NRXN3: variants seen among roughly 807,000 people sequenced by gnomAD.
NRXN3 encodes the protein neurexin 3.
Under a neutral mutation model 137.6 loss-of-function variants are expected in NRXN3, and 32 were observed. The observed-to-expected ratio is 0.23, with a 90% CI of 0.18 to 0.31. The LOEUF is 0.31. NRXN3 is among the 10% of genes least tolerant of loss of function. The pLI, the probability that NRXN3 is intolerant of heterozygous loss-of-function variation, is 1.00. For missense variants in NRXN3, 1,574 were observed against 2,062.5 expected (o/e 0.76, Z 4.59); for synonymous variants, 798 against 784.5 (o/e 1.02, Z -0.29).
rs981975337 is a variant in NRXN3 at position 79,861,254 on chromosome 14, T to G, written c.4094-88T>G. Reference sequence around the variant, plus strand: ...TTGTGATGATGATGGCTTGGTGATATCTGGGTATGGCTCAGGGGAAACCTT... The same window carrying G: ...TTGTGATGATGATGGCTTGGTGATAGCTGGGTATGGCTCAGGGGAAACCTT... On this transcript the variant is annotated intron_variant, in intron 20 of 20. Transcript: ENST00000335750. The surrounding 1 kb of genome is among the most constrained non-coding windows in gnomAD (Gnocchi z 5.4). 1 of 1,535,628 alleles carries G rather than the reference T, an allele frequency of 6.5e-7. No homozygotes were observed. Among genetic ancestry groups the G allele is most frequent in the Admixed American group, 2.0e-5 (1 of 50,964 alleles).
At chr14:79,041,723 A>T (rs1019224480) in intron 15 of NRXN3, among the ~76,000 whole-genome samples, 20 of 152,206 alleles carry the variant, frequency 1.3e-4, no homozygotes, top group African/African-American at 4.8e-4. Context: ...ATTATATCAT[A>T]ATGGAAGCAA....
At chr14:78,427,348 G>C (rs1567559503) in intron 4 of NRXN3, among the ~76,000 whole-genome samples, 2 of 152,324 alleles carry the variant, frequency 1.3e-5, no homozygotes, top group East Asian at 3.9e-4. Context: ...CCAAACCCTG[G>C]AGGGTGGGAG....
chr14:79,691,647 G>A (rs1361327509), intron 17 of NRXN3, among the ~76,000 whole-genome samples: 1 of 152,040 alleles, frequency 6.6e-6, no homozygotes, highest in Non-Finnish European at 1.5e-5. Flanking sequence ...GGCTTAAATT[G>A]TCCTCTCCTC....
chr14:79,322,416 G>A (rs777943559), intron 15 of NRXN3, among the ~76,000 whole-genome samples: 1 of 152,090 alleles, frequency 6.6e-6, no homozygotes, highest in Non-Finnish European at 1.5e-5. Context: ...TTAATGATCT[G>A]GAACCATGAA....
At chr14:78,616,957 A>T (rs1011106426) in intron 4 of NRXN3, among the ~76,000 whole-genome samples, 2 of 152,190 alleles carry the variant, frequency 1.3e-5, no homozygotes, top group Non-Finnish European at 2.9e-5. Flanking sequence ...CCCAAGTTGC[A>T]TTATCGACTT....
At chr14:79,618,739 G>A (rs916336238) in intron 16 of NRXN3, among the ~76,000 whole-genome samples, 1 of 152,030 alleles carries the variant, frequency 6.6e-6, no homozygotes, top group Non-Finnish European at 1.5e-5. Context: ...TGAGTTGAAT[G>A]GTAATACCAT....
At chr14:79,765,889 T>TA (rs2099054305) in intron 19 of NRXN3, among the ~76,000 whole-genome samples, 1 of 152,128 alleles carries the variant, frequency 6.6e-6, no homozygotes, top group Non-Finnish European at 1.5e-5. Flanking sequence ...TTCAAGTATG[T>TA]AAAAAAACAG....
rs547348449 is a variant in NRXN3 at position 79,370,201 on chromosome 14, T to G, written c.3263-97020T>G. On this transcript the variant is annotated intron_variant, in intron 15 of 20. Transcript: ENST00000335750. The stretch of plus-strand genomic sequence containing the variant: ...TGAGCCAGACACTGTGTAAGCACTT[T>G]CTACACATTATTGCATTTAATTCTC... Among the ~76,000 whole-genome samples, 30 of 152,314 alleles carry G rather than the reference T, an allele frequency of 2.0e-4. No homozygotes were observed. The Middle Eastern group carries it at 0.01, about 52-fold the overall frequency.
chr14:79,070,239 A>G (rs1043674607), intron 15 of NRXN3, among the ~76,000 whole-genome samples: 1 of 152,314 alleles, frequency 6.6e-6, no homozygotes, highest in East Asian at 1.9e-4. Context: ...ACACAACTCT[A>G]TGTGATTCTA....
chr14:79,318,480 A>AC (rs2089353220), intron 15 of NRXN3, among the ~76,000 whole-genome samples: 2 of 152,334 alleles, frequency 1.3e-5, no homozygotes, highest in Admixed American at 6.5e-5. Flanking sequence ...GTTATAAAAA[A>AC]CCATTGTTGG....
chr14:79,057,932 G>C (rs1431356320), intron 15 of NRXN3, among the ~76,000 whole-genome samples: 1 of 152,132 alleles, frequency 6.6e-6, no homozygotes, highest in Non-Finnish European at 1.5e-5. Flanking sequence ...ATTAAGACTA[G>C]GAGTGATAAT....
intron 20 of NRXN3, among the ~76,000 whole-genome samples, chr14:79,852,568 A>G (rs1568456747): frequency 6.6e-6 from 1 of 152,182 alleles, no homozygotes; most frequent in Admixed American, 6.5e-5. Flanking sequence ...TACGACGTAC[A>G]TCCAGACTGC....
chr14:78,468,296 G>T (rs1408127008), intron 4 of NRXN3, among the ~76,000 whole-genome samples: 2 of 152,130 alleles, frequency 1.3e-5, no homozygotes, highest in Non-Finnish European at 1.5e-5. Flanking sequence ...GTACACACCT[G>T]CTGATATGGT....
At chr14:78,778,780 C>CT (rs1190763344) in intron 8 of NRXN3, among the ~76,000 whole-genome samples, 1 of 116,724 alleles carries the variant, frequency 8.6e-6, no homozygotes, top group Non-Finnish European at 1.7e-5. Context: ...TTCTTTCTTT[C>CT]TTTCTTTCTT....
At chr14:78,557,347 C>A (rs2096748678) in intron 4 of NRXN3, among the ~76,000 whole-genome samples, 1 of 151,726 alleles carries the variant, frequency 6.6e-6, no homozygotes, top group Non-Finnish European at 1.5e-5. Context: ...AGCCACTGTG[C>A]CTGGCTGAGA....
chr14:79,560,579 C>T lies in NRXN3; in HGVS notation c.3444+93177C>T, dbSNP rs936991419. On this transcript the variant is annotated intron_variant, in intron 16 of 20. Coordinates refer to ENST00000335750, the MANE Select transcript of NRXN3 (RefSeq NM_001330195.2). ...AGGCTGGAGTGCAATGGCACAATCTCGGCTCACTGCAACCTCCGCCTCTTG... is the reference window on the plus strand; with the variant it reads ...AGGCTGGAGTGCAATGGCACAATCTTGGCTCACTGCAACCTCCGCCTCTTG... Among the ~76,000 whole-genome samples the T allele has an allele frequency of 4.6e-5, 6 of 129,708 alleles. No individual in the cohort carries two copies. In the East Asian group the frequency reaches 7.6e-4, roughly 17 times the overall value. 85.1% of individuals were successfully genotyped at this position (129,708 alleles called of 152,430 possible).
chr14:78,472,091 T>C (rs2095286089), intron 4 of NRXN3, among the ~76,000 whole-genome samples: 1 of 152,318 alleles, frequency 6.6e-6, no homozygotes, highest in South Asian at 2.1e-4. Flanking sequence ...AGAGAAAGCC[T>C]CAAAGAGCTT....
chr14:79,431,413 A>T (rs1456625644), intron 15 of NRXN3, among the ~76,000 whole-genome samples: 5 of 152,198 alleles, frequency 3.3e-5, no homozygotes, highest in Admixed American at 3.3e-4. Context: ...TGTTGGCTCT[A>T]TGCTGACCCA....
At chr14:79,561,240 A>G (rs1275291885) in intron 16 of NRXN3, among the ~76,000 whole-genome samples, 1 of 152,222 alleles carries the variant, frequency 6.6e-6, no homozygotes. Flanking sequence ...GCTATTCAAT[A>G]AAACCAGAAA....
Sources: gnomAD v4.1 joint callset for allele counts (sites outside exome capture counted in the v4.1 genomes callset) on GRCh38, gnomAD v4.1.1 for gene constraint, Gnocchi (gnomAD v3.1) non-coding constraint, MANE v1.5 for transcripts, NCBI Gene and HGNC (gene_info 2026-07-23, HGNC 2026-07-21) for gene names.